The following FAM186A variants were observed in gnomAD, a reference collection of about 807,000 sequenced individuals.
FAM186A encodes the protein protein FAM186A.
A neutral mutation model predicts 216.8 loss-of-function variants in FAM186A; 163 were observed. The observed-to-expected ratio is 0.75, with a 90% CI of 0.66 to 0.86. The LOEUF is 0.86. Among genes scored for constraint, FAM186A ranks in the 40% least tolerant of loss-of-function variants. FAM186A has a pLI of 0.00. For synonymous variants in FAM186A, 805 were observed against 1,025.3 expected, an observed-to-expected ratio of 0.79 and a Z score of 4.10; for missense variants, 2,184 against 2,746.2, an observed-to-expected ratio of 0.80 and a Z score of 4.58.
At chr12:50,357,332 A>T (rs564399024) in intron 3 of FAM186A, among the ~76,000 whole-genome samples, 43 of 150,876 alleles carry the variant, frequency 2.9e-4, no homozygotes, top group South Asian at 1.9e-3. Context: ...AATATGGTGA[A>T]CTCTACTAAA....
At chr12:50,391,057 T>C (rs993450287) in intron 1 of FAM186A, among the ~76,000 whole-genome samples, 1 of 151,918 alleles carries the variant, frequency 6.6e-6, no homozygotes, top group African/African-American at 2.4e-5. Flanking sequence ...GGTGCGATTG[T>C]GGCTCACTGC....
At chr12:50,330,100 T>C (rs554216884) in intron 7 of FAM186A, among the ~76,000 whole-genome samples, 3 of 152,332 alleles carry the variant, frequency 2.0e-5, no homozygotes, top group Admixed American at 6.5e-5. Context: ...GAGAATCTGG[T>C]TCAACAGATT....
Position 50,396,329 on chromosome 12 carries a change from A to G in FAM186A, c.156T>C (p.Ser52=). The G allele has an allele frequency of 6.4e-7, 1 of 1,551,426 alleles. No individual in the cohort carries two copies. Among genetic ancestry groups the G allele is most frequent in the Non-Finnish European group, 8.7e-7 (1 of 1,146,922 alleles). Residue 52 remains serine, a synonymous_variant, in exon 1 of 8, where the codon TCT becomes TCC. Coordinates refer to ENST00000327337, the MANE Select transcript of FAM186A (RefSeq NM_001145475.3). ...EIPFSVKDII[S]RIERAQLHRA... is the part of the protein sequence containing the mutation. ...GATGGAGCTGTGCGCGCTCAATCCT[A>G]GAGATGATATCCTTTACTGAGAATG...
intron 1 of FAM186A, among the ~76,000 whole-genome samples, chr12:50,383,278 A>G (rs374263575): frequency 0.022 from 1,094 of 49,064 alleles, 29 homozygotes; most frequent in East Asian, 0.038. Context: ...AAAAAAAAAA[A>G]AGAGAGAGAG....
chr12:50,327,528 C>A, intron 7 of FAM186A, 124 bp from the exon 8 acceptor site: 3 of 623,716 alleles, frequency 4.8e-6, no homozygotes, highest in Non-Finnish European at 5.6e-6. Context: ...CTAGTAAAAT[C>A]TGTATGTAAT....
At position 50,353,412 on chromosome 12, in the gene FAM186A, G is replaced by C; in HGVS notation, c.3420C>G (p.Thr1140=). The C allele has an allele frequency of 6.6e-7, 1 of 1,517,084 alleles. No homozygotes were observed. 94.0% of individuals were successfully genotyped at this position (1,517,084 alleles called of 1,614,324 possible). ...ALGIPLTPQQ[T]QVQGITLTPQ... is the part of the protein sequence containing the mutation. ...GGGTGAGAGTGATCCCTTGAACCTG[G>C]GTCTGCTGAGGGGTGAGAGGGATCC... Residue 1140 remains threonine (T), a synonymous_variant, in exon 4 of 8, where the codon ACC becomes ACG. Coordinates refer to ENST00000327337, the MANE Select transcript of FAM186A (RefSeq NM_001145475.3).
At chr12:50,360,677 T>C in intron 3 of FAM186A, 79 bp downstream of exon 3, 1 of 835,204 alleles carries the variant, frequency 1.2e-6, no homozygotes, top group Non-Finnish European at 1.7e-6. Context: ...AGAGCGAGAC[T>C]GAAAAAAAAA....
intron 4 of FAM186A, among the ~76,000 whole-genome samples, chr12:50,335,960 C>G (rs1377473476): frequency 6.6e-6 from 1 of 151,682 alleles, no homozygotes; most frequent in Non-Finnish European, 1.5e-5. Flanking sequence ...CCTGACTCTA[C>G]TAAAAAATAC....
intron 1 of FAM186A, among the ~76,000 whole-genome samples, chr12:50,363,768 AAAAAG>A (rs994542823): frequency 2.1e-4 from 11 of 51,808 alleles, no homozygotes; most frequent in Admixed American, 7.4e-4. Flanking sequence ...GCTAAAAAAA[AAAAAG>A]AAAGAAAGAA....
At chr12:50,368,002 A>G (rs576289034) in intron 1 of FAM186A, among the ~76,000 whole-genome samples, 76 of 151,846 alleles carry the variant, frequency 5.0e-4, no homozygotes, top group Non-Finnish European at 1.0e-3. Context: ...AAAATTATTC[A>G]GCTATGATGG....
Position 50,349,336 on chromosome 12 carries a change from C to T in FAM186A, c.6503+993G>A, listed in dbSNP as rs542386009. Among the ~76,000 whole-genome samples the T allele has an allele frequency of 8.0e-4, 121 of 151,676 alleles. 1 individual carries two copies. Among genetic ancestry groups the T allele is most frequent in the African/African-American group, 2.8e-3 (117 of 41,358 alleles). ...TGAGTGATCCTCCAAGCTCAGCTTC[C>T]TGAGTAGCTGGGACTACAGGCATGC... On this transcript the variant is annotated intron_variant, in intron 4 of 7. Transcript: ENST00000327337.
intron 3 of FAM186A, among the ~76,000 whole-genome samples, chr12:50,357,655 C>T (rs1186954856): frequency 6.6e-6 from 1 of 152,200 alleles, no homozygotes; most frequent in African/African-American, 2.4e-5. Context: ...CAAAGGCATA[C>T]AACACATTGA....
rs35925338 is a variant in FAM186A at position 50,345,997 on chromosome 12, C to CAAAAA, written c.6503+4327_6503+4331dup. Among the ~76,000 whole-genome samples the CAAAAA allele has an allele frequency of 6.2e-3, 750 of 120,734 alleles. 7 individuals are homozygous for CAAAAA. The highest frequency in any genetic ancestry group is 0.021 in the African/African-American group (689 of 32,148). 79.2% of individuals were successfully genotyped at this position (120,734 alleles called of 152,430 possible). ...GGGGGACAAGAGCGAGACTTTGCCT[C>CAAAAA]AAAAAAAAAAAAAAAAATACAAAAG... On this transcript the variant is annotated intron_variant, in intron 4 of 7. Transcript: ENST00000327337.
chr12:50,329,073 T>C (rs1942631448), intron 7 of FAM186A, among the ~76,000 whole-genome samples: 2 of 151,982 alleles, frequency 1.3e-5, no homozygotes, highest in African/African-American at 4.8e-5. Context: ...TGAGCCAAGA[T>C]TGCACCACTG....
chr12:50,394,418 G>C (rs1459370915), intron 1 of FAM186A, among the ~76,000 whole-genome samples: 2 of 151,888 alleles, frequency 1.3e-5, no homozygotes, highest in Non-Finnish European at 2.9e-5. Flanking sequence ...GCCAGGCTTG[G>C]TGGCCGGTGC....
intron 4 of FAM186A, among the ~76,000 whole-genome samples, chr12:50,343,889 G>A (rs1397899978): frequency 6.6e-6 from 1 of 151,444 alleles, no homozygotes; most frequent in Non-Finnish European, 1.5e-5. Flanking sequence ...AAAGTGCTGG[G>A]ATTATAGGTG....
rs1352907955 is a variant in FAM186A, at chr12:50,355,085, T to C, written c.1747A>G (p.Arg583Gly). The C allele has an allele frequency of 2.6e-6, 4 of 1,551,718 alleles. No homozygotes were observed. Among genetic ancestry groups the C allele is most frequent in the Non-Finnish European group, 3.5e-6 (4 of 1,146,994 alleles). ...ATACTGAGTGGCTCCACTAGGCTTC[T>C]AATTTCACCTTTGCCCTCTTTGTCC... is the stretch of plus-strand genomic sequence containing the variant. ...SLDKEGKGEI[R>G]SLVEPLSMIQ... The change falls in exon 4 of 8, where the codon AGA becomes GGA. Residue 583 changes from arginine to glycine, a missense_variant. Arg to Gly is a moderately radical substitution (Grantham distance 125, BLOSUM62 -2). Around this residue, in one of 7 missense-constraint regions of FAM186A, gnomAD observed 1,132 missense variants for 1,263.4 expected, o/e 0.90. Transcript: ENST00000327337.
chr12:50,360,724 A>G, intron 3 of FAM186A, 32 bp downstream of exon 3: 2 of 1,482,224 alleles, frequency 1.3e-6, no homozygotes, highest in Non-Finnish European at 1.8e-6. Flanking sequence ...AACTCCATCT[A>G]CTCCAACTCC....
intron 1 of FAM186A, among the ~76,000 whole-genome samples, chr12:50,368,111 C>T (rs1943108210): frequency 6.6e-6 from 1 of 151,838 alleles, no homozygotes; most frequent in Admixed American, 6.6e-5. Flanking sequence ...CGCCACTACA[C>T]TCCAGCCTGG....
Sources: allele counts gnomAD v4.1 joint callset (sites outside exome capture counted in the v4.1 genomes callset), GRCh38; gene constraint gnomAD v4.1.1; regional missense constraint gnomAD v4.1.1; transcripts MANE v1.5; gene names NCBI Gene and HGNC (gene_info 2026-07-23, HGNC 2026-07-21).